MEMO1: variants seen among roughly 807,000 people sequenced by gnomAD.
The protein encoded by MEMO1 is mediator of cell motility 1.
A neutral mutation model predicts 45.2 loss-of-function variants in MEMO1; 6 were observed. The ratio of observed to expected loss-of-function variants is 0.13; its 90% CI spans 0.07 to 0.26. The LOEUF (loss-of-function observed/expected upper bound fraction) is 0.26, where lower values mean the gene tolerates loss of function less well. Ranked by LOEUF, MEMO1 falls within the 10% of genes least tolerant of loss-of-function variation. The pLI is 1.00. For missense variants in MEMO1, 184 were observed against 370.5 expected (o/e 0.50, Z 4.13); for synonymous variants, 78 against 124.3 (o/e 0.63, Z 2.48).
intron 6 of MEMO1, among the ~76,000 whole-genome samples, chr2:31,916,265 G>A (rs768136286): frequency 2.1e-4 from 32 of 152,090 alleles, no homozygotes; most frequent in Non-Finnish European, 4.1e-4. Context: ...TTCTCACTCT[G>A]TCACCTAGGC....
intron 2 of MEMO1, among the ~76,000 whole-genome samples, chr2:32,003,395 T>C (rs1673650614): frequency 6.6e-6 from 1 of 152,224 alleles, no homozygotes; most frequent in Admixed American, 6.5e-5. Flanking sequence ...ATCAATAATA[T>C]AACCACTATT....
chr2:31,936,019 A>G (rs1664877391), intron 3 of MEMO1, among the ~76,000 whole-genome samples: 1 of 151,850 alleles, frequency 6.6e-6, no homozygotes, highest in South Asian at 2.1e-4. Context: ...GCTGGAGTGC[A>G]GTGGCCACAT....
intron 2 of MEMO1, among the ~76,000 whole-genome samples, chr2:31,995,700 A>G (rs1195418519): frequency 1.3e-5 from 2 of 151,826 alleles, no homozygotes; most frequent in African/African-American, 4.8e-5. Context: ...ATACAAAAAG[A>G]GAAAAAAAAA....
intron 4 of MEMO1, 152 bp downstream of exon 4, chr2:31,931,915 A>G: frequency 1.9e-6 from 1 of 534,500 alleles, no homozygotes; most frequent in Non-Finnish European, 3.3e-6. Context: ...AGTTTTCAGT[A>G]ACCTATACAA....
intron 8 of MEMO1, among the ~76,000 whole-genome samples, chr2:31,876,537 T>C (rs1400360695): frequency 6.6e-6 from 1 of 152,166 alleles, no homozygotes; most frequent in African/African-American, 2.4e-5. Context: ...TACTGCTGTA[T>C]CTCCACCAAC....
chr2:31,872,279 T>C (rs916561656), intron 8 of MEMO1, among the ~76,000 whole-genome samples: 1 of 152,220 alleles, frequency 6.6e-6, no homozygotes, highest in African/African-American at 2.4e-5. Flanking sequence ...TACTCTGATG[T>C]ACTAAAGTAT....
intron 3 of MEMO1, among the ~76,000 whole-genome samples, chr2:31,942,772 T>A (rs1978824): frequency 1.3e-5 from 2 of 152,116 alleles, no homozygotes; most frequent in Middle Eastern, 3.4e-3. Context: ...TCCTCCCACG[T>A]TGGCCTCTCA....
In MEMO1 at chr2:31,894,357, G is replaced by A. The variant is rs548099926; in HGVS notation, c.438-2223C>T. ...GCAAAAAGGGGATGACTTTGACTTGGAGCAGAGAGTGGAAAACCCACACTC... is the reference window on the plus strand; with the variant it reads ...GCAAAAAGGGGATGACTTTGACTTGAAGCAGAGAGTGGAAAACCCACACTC... On this transcript the variant is annotated intron_variant, in intron 6 of 9. Transcript: ENST00000404530. Among the ~76,000 whole-genome samples, 36 of 152,274 alleles carry A rather than the reference G, an allele frequency of 2.4e-4. 2 individuals carry two copies. Among genetic ancestry groups the A allele is most frequent in the Middle Eastern group, 6.8e-3 (2 of 294 alleles).
intron 6 of MEMO1, among the ~76,000 whole-genome samples, chr2:31,894,909 G>C (rs1347779570): frequency 1.3e-5 from 2 of 152,178 alleles, no homozygotes; most frequent in Non-Finnish European, 2.9e-5. Context: ...TCTCCCAGCA[G>C]AGGGTGAAAG....
chr2:31,946,374 T>A (rs1479325891), intron 2 of MEMO1, among the ~76,000 whole-genome samples: 3 of 152,150 alleles, frequency 2.0e-5, no homozygotes, highest in Non-Finnish European at 4.4e-5. Context: ...AATTTGTAAA[T>A]TCCCAAAGTA....
At chr2:31,938,091 T>G (rs1665141989) in intron 3 of MEMO1, among the ~76,000 whole-genome samples, 1 of 152,176 alleles carries the variant, frequency 6.6e-6, no homozygotes, top group Non-Finnish European at 1.5e-5. Context: ...TCAAATTAAT[T>G]TCTTTTAAAT....
chr2:31,903,605 T>G (rs1472212512), intron 6 of MEMO1, among the ~76,000 whole-genome samples: 1 of 152,200 alleles, frequency 6.6e-6, no homozygotes, highest in Admixed American at 6.5e-5. Flanking sequence ...AGCTCACTCA[T>G]GTTCTATACG....
Position 31,934,516 on chromosome 2 carries a change from T to C in MEMO1, c.144-2381A>G, listed in dbSNP as rs1247668290. ...AGAAAGAATCATTGGATTCTTTATG[T>C]ATGGCTAGGACAGAAATAATAAGAG... On this transcript the variant is annotated intron_variant, in intron 3 of 9. Transcript: ENST00000404530. Among the ~76,000 whole-genome samples the C allele has an allele frequency of 4.0e-5, 6 of 149,956 alleles. No individual in the cohort carries two copies. The East Asian group carries it at 1.2e-3, about 29-fold the overall frequency.
intron 2 of MEMO1, among the ~76,000 whole-genome samples, chr2:32,001,788 G>A (rs1000127639): frequency 2.0e-5 from 3 of 152,130 alleles, no homozygotes; most frequent in African/African-American, 7.2e-5. Flanking sequence ...ATGGCAAGGT[G>A]AGGGTAGAAA....
intron 6 of MEMO1, among the ~76,000 whole-genome samples, chr2:31,899,784 T>C (rs1257896548): frequency 6.6e-6 from 1 of 152,124 alleles, no homozygotes; most frequent in African/African-American, 2.4e-5. Context: ...AATCTATCCA[T>C]CTGACAAAGG....
intron 7 of MEMO1, among the ~76,000 whole-genome samples, chr2:31,887,032 T>C (rs920394925): frequency 1.3e-5 from 2 of 152,168 alleles, no homozygotes; most frequent in Non-Finnish European, 2.9e-5. Flanking sequence ...GCAGAAACCT[T>C]ACTCTTTGAG....
intron 6 of MEMO1, among the ~76,000 whole-genome samples, chr2:31,908,432 T>G (rs1680076323): frequency 6.6e-6 from 1 of 152,030 alleles, no homozygotes; most frequent in South Asian, 2.1e-4. Context: ...AAGGTATTAC[T>G]CTTATCCTGA....
rs149080774 is a variant in MEMO1, at chr2:31,903,384, C to T, written c.438-11250G>A. Among the ~76,000 whole-genome samples, 175 of 130,458 alleles carry T rather than the reference C, an allele frequency of 1.3e-3. 1 individual carries two copies. In the East Asian group the frequency reaches 0.015, roughly 11 times the overall value. 85.6% of individuals were successfully genotyped at this position (130,458 alleles called of 152,430 possible). On this transcript the variant is annotated intron_variant, in intron 6 of 9. Coordinates refer to ENST00000404530, the MANE Select transcript of MEMO1 (RefSeq NM_001301833.4). Reference sequence around the variant, plus strand: ...TACCACTGTGATTTATTCTCCTCTCCCCTTTCAGTTTGAAAATACTCACAG... The same window carrying T: ...TACCACTGTGATTTATTCTCCTCTCTCCTTTCAGTTTGAAAATACTCACAG...
At chr2:31,988,141 C>T (rs1466419712) in intron 2 of MEMO1, among the ~76,000 whole-genome samples, 1 of 152,030 alleles carries the variant, frequency 6.6e-6, no homozygotes, top group African/African-American at 2.4e-5. Context: ...TTTCTACATA[C>T]CAGAAGTCTG....
Sources: allele counts gnomAD v4.1 joint callset (sites outside exome capture counted in the v4.1 genomes callset), GRCh38; gene constraint gnomAD v4.1.1; transcripts MANE v1.5; gene names NCBI Gene and HGNC (gene_info 2026-07-23, HGNC 2026-07-21).